The following JAZF1 variants were observed in gnomAD, a reference collection of about 807,000 sequenced individuals.
JAZF1 encodes JAZF zinc finger 1.
JAZF1 carries 8 observed loss-of-function variants against 26.4 expected under a neutral mutation model. The ratio of observed to expected loss-of-function variants is 0.30; its 90% CI spans 0.18 to 0.55. The LOEUF (loss-of-function observed/expected upper bound fraction) is 0.55, where lower values mean the gene tolerates loss of function less well. Ranked by LOEUF, JAZF1 falls within the 20% of genes least tolerant of loss-of-function variation. The pLI, the probability that JAZF1 is intolerant of heterozygous loss-of-function variation, is 0.94. For synonymous variants in JAZF1, 126 were observed against 122.3 expected (o/e 1.03, Z -0.20); for missense variants, 199 against 322.0 (o/e 0.62, Z 2.92).
intron 1 of JAZF1, among the ~76,000 whole-genome samples, chr7:28,137,553 G>A (rs1583580115): frequency 6.6e-6 from 1 of 152,312 alleles, no homozygotes; most frequent in East Asian, 1.9e-4. Flanking sequence ...CAGGCCTCAA[G>A]AGGCCTTGCA....
intron 1 of JAZF1, among the ~76,000 whole-genome samples, chr7:28,126,921 C>G (rs142881638): frequency 6.6e-6 from 1 of 152,286 alleles, no homozygotes; most frequent in African/African-American, 2.4e-5. Context: ...CCCAGAAAAG[C>G]TTCCATGCCA....
At chr7:28,046,521 T>C (rs1220603239) in intron 1 of JAZF1, among the ~76,000 whole-genome samples, 1 of 152,228 alleles carries the variant, frequency 6.6e-6, no homozygotes, top group African/African-American at 2.4e-5. Flanking sequence ...GTCCGCAGTA[T>C]AGCAGAACTG....
At chr7:28,009,517 T>C (rs1309530845) in intron 1 of JAZF1, among the ~76,000 whole-genome samples, 2 of 150,584 alleles carry the variant, frequency 1.3e-5, no homozygotes, top group South Asian at 2.1e-4. Context: ...AGAGTCTCGC[T>C]CTGTCGCCCA....
At chr7:27,834,316 TACTAC>T (rs905681577) in intron 4 of JAZF1, among the ~76,000 whole-genome samples, 1 of 152,238 alleles carries the variant, frequency 6.6e-6, no homozygotes, top group Non-Finnish European at 1.5e-5. Context: ...TGGTGGTGAT[TACTAC>T]ACTAGAGATG....
rs117148981 is a variant in JAZF1, at chr7:28,143,033, G to A, written c.115+37430C>T. Among the ~76,000 whole-genome samples the A allele has an allele frequency of 3.7e-3, 568 of 152,318 alleles. 1 individual carries two copies. The highest frequency in any genetic ancestry group is 0.01 in the Middle Eastern group (3 of 294). Reference sequence around the variant, plus strand: ...CTGCCTCCAACCAGCTACTGAGATCGTCACTGGGCCACACTGCTCTGCAGT... The same window carrying A: ...CTGCCTCCAACCAGCTACTGAGATCATCACTGGGCCACACTGCTCTGCAGT... On this transcript the variant is annotated intron_variant, in intron 1 of 4. Transcript: ENST00000283928.
chr7:27,970,314 C>G (rs1365119703), intron 2 of JAZF1, among the ~76,000 whole-genome samples: 1 of 152,174 alleles, frequency 6.6e-6, no homozygotes, highest in Non-Finnish European at 1.5e-5. Flanking sequence ...TCGGTAAGAA[C>G]CCACTTCTAA....
intron 2 of JAZF1, among the ~76,000 whole-genome samples, chr7:27,967,778 T>G (rs1785303871): frequency 2.0e-5 from 3 of 152,204 alleles, no homozygotes; most frequent in African/African-American, 7.2e-5. Flanking sequence ...ACTATACAAC[T>G]ACAAGAATGA....
intron 2 of JAZF1, among the ~76,000 whole-genome samples, chr7:27,937,184 A>G (rs1042460265): frequency 6.6e-6 from 1 of 152,198 alleles, no homozygotes; most frequent in Non-Finnish European, 1.5e-5. Flanking sequence ...AGATTTGTGC[A>G]TTATGAAGAG....
At chr7:28,051,338 G>A (rs1783613445) in intron 1 of JAZF1, among the ~76,000 whole-genome samples, 2 of 151,284 alleles carry the variant, frequency 1.3e-5, no homozygotes, top group African/African-American at 4.8e-5. Context: ...ATCTGTCTTA[G>A]CCTCCCAAGT....
At chr7:27,987,484 G>T (rs990002113) in intron 2 of JAZF1, among the ~76,000 whole-genome samples, 1 of 152,122 alleles carries the variant, frequency 6.6e-6, no homozygotes, top group Non-Finnish European at 1.5e-5. Context: ...GGAGGTTGGG[G>T]GCAGCCCCCA....
intron 1 of JAZF1, among the ~76,000 whole-genome samples, chr7:28,009,828 A>G (rs2128369906): frequency 6.6e-6 from 1 of 152,312 alleles, no homozygotes; most frequent in South Asian, 2.1e-4. Context: ...AACCCATTAA[A>G]TTGATGTTGT....
chr7:27,885,118 A>G (rs1783835535), intron 3 of JAZF1, among the ~76,000 whole-genome samples: 1 of 152,212 alleles, frequency 6.6e-6, no homozygotes, highest in Non-Finnish European at 1.5e-5. Flanking sequence ...CTTGATTTAA[A>G]TATTACCAGT....
chr7:27,893,329 G>C (rs1464967274), intron 3 of JAZF1, among the ~76,000 whole-genome samples: 5 of 152,196 alleles, frequency 3.3e-5, no homozygotes, highest in Non-Finnish European at 5.9e-5. Context: ...TGTCAGAGAA[G>C]ATAATTTTAA....
chr7:27,914,258 C>T (rs1213991942), intron 2 of JAZF1, among the ~76,000 whole-genome samples: 2 of 152,236 alleles, frequency 1.3e-5, no homozygotes, highest in African/African-American at 2.4e-5. Context: ...GGTACCTGTA[C>T]GTGGGCTGAG....
At chr7:27,948,895 G>A (rs1291785429) in intron 2 of JAZF1, among the ~76,000 whole-genome samples, 1 of 152,094 alleles carries the variant, frequency 6.6e-6, no homozygotes, top group Admixed American at 6.5e-5. Context: ...TTAGAAAACT[G>A]GGCAATTAAC....
At chr7:28,024,845 C>T (rs1402305494) in intron 1 of JAZF1, among the ~76,000 whole-genome samples, 1 of 152,198 alleles carries the variant, frequency 6.6e-6, no homozygotes, top group Non-Finnish European at 1.5e-5. Flanking sequence ...CCAGGGGCAA[C>T]AAGCATATTG....
At chr7:27,987,505 C>T (rs1361316345) in intron 2 of JAZF1, among the ~76,000 whole-genome samples, 2 of 152,246 alleles carry the variant, frequency 1.3e-5, no homozygotes, top group East Asian at 3.9e-4. Flanking sequence ...CCCGGCCAGC[C>T]ACCCAGTACG....
intron 1 of JAZF1, among the ~76,000 whole-genome samples, chr7:28,162,503 C>CT (rs1783309065): frequency 6.6e-6 from 1 of 152,180 alleles, no homozygotes; most frequent in South Asian, 2.1e-4. Context: ...ACTTTTTGTC[C>CT]TAGAGTGACC....
intron 2 of JAZF1, among the ~76,000 whole-genome samples, chr7:27,915,271 G>A (rs1784427085): frequency 6.6e-6 from 1 of 152,188 alleles, no homozygotes; most frequent in Non-Finnish European, 1.5e-5. Flanking sequence ...AAAGGGGGCT[G>A]TAATAAATCA....
Sources: gnomAD v4.1 joint callset for allele counts (sites outside exome capture counted in the v4.1 genomes callset) on GRCh38, gnomAD v4.1.1 for gene constraint, MANE v1.5 for transcripts, NCBI Gene and HGNC (gene_info 2026-07-23, HGNC 2026-07-21) for gene names.